Variants in STAU2 observed in about 807,000 individuals in gnomAD.
The protein encoded by STAU2 is double-stranded RNA-binding protein Staufen homolog 2.
Under a neutral mutation model 65.9 loss-of-function variants are expected in STAU2, and 20 were observed. The ratio of observed to expected loss-of-function variants is 0.30; its 90% CI spans 0.21 to 0.44. The LOEUF (loss-of-function observed/expected upper bound fraction) is 0.44. Among genes scored for constraint, STAU2 ranks in the 20% least tolerant of loss-of-function variants. STAU2 has a pLI of 1.00. For missense variants in STAU2, 558 were observed against 683.9 expected, an observed-to-expected ratio of 0.82 and a Z score of 2.05; for synonymous variants, 232 against 233.9, an observed-to-expected ratio of 0.99 and a Z score of 0.07.
chr8:73,599,028 A>C (rs1330472490), intron 10 of STAU2, among the ~76,000 whole-genome samples: 1 of 152,244 alleles, frequency 6.6e-6, no homozygotes, highest in African/African-American at 2.4e-5. Context: ...TGAAGACAAT[A>C]CTAATGTAAT....
intron 13 of STAU2, among the ~76,000 whole-genome samples, chr8:73,426,926 ATTT>A (rs34400355): frequency 1.6e-4 from 21 of 129,908 alleles, no homozygotes; most frequent in Admixed American, 7.1e-4. Context: ...ATTTTTAAAG[ATTT>A]TTTTTTTTTT....
In STAU2 at chr8:73,469,645, T is replaced by C. The variant is rs74317766; in HGVS notation, c.1531-46943A>G. On this transcript the variant is annotated intron_variant, in intron 13 of 14. Coordinates refer to ENST00000524300, the MANE Select transcript of STAU2 (RefSeq NM_001164380.2). Reference sequence around the variant, plus strand: ...TGGGGGTTAATGCTGCTGCGTGGATTCTATCCACGGTCAGTTCGAGAAAGG... The same window carrying C: ...TGGGGGTTAATGCTGCTGCGTGGATCCTATCCACGGTCAGTTCGAGAAAGG... 8.8e-3 allele frequency among the ~76,000 whole-genome samples: 1,339 copies of C among 152,066 alleles called. 10 individuals carry two copies. The highest frequency in any genetic ancestry group is 0.013 in the Non-Finnish European group (890 of 67,990).
chr8:73,550,115 C>T, intron 13 of STAU2: 1 of 985,396 alleles, frequency 1.0e-6, no homozygotes, highest in Non-Finnish European at 1.2e-6. Context: ...GAGTATTTTA[C>T]ATCAATACCA....
At chr8:73,446,170 G>A (rs1818455125) in intron 13 of STAU2, among the ~76,000 whole-genome samples, 1 of 152,218 alleles carries the variant, frequency 6.6e-6, no homozygotes, top group Admixed American at 6.5e-5. Flanking sequence ...GAAGCTGAGT[G>A]AACAAAAGTC....
At chr8:73,533,389 G>A (rs1350010442) in intron 13 of STAU2, among the ~76,000 whole-genome samples, 2 of 152,084 alleles carry the variant, frequency 1.3e-5, no homozygotes, top group Admixed American at 1.3e-4. Context: ...TTTAAGATAA[G>A]TTTCCTAGTT....
At chr8:73,462,940 GT>G (rs1187074960) in intron 13 of STAU2, among the ~76,000 whole-genome samples, 1 of 152,186 alleles carries the variant, frequency 6.6e-6, no homozygotes, top group Non-Finnish European at 1.5e-5. Context: ...CTCTGAACAT[GT>G]TTTTGCAGAA....
intron 6 of STAU2, among the ~76,000 whole-genome samples, chr8:73,617,924 A>C (rs552967057): frequency 6.6e-6 from 1 of 152,346 alleles, no homozygotes; most frequent in Non-Finnish European, 1.5e-5. Flanking sequence ...ATTCAGCATA[A>C]GAATAAGGAG....
chr8:73,614,691 T>C (rs896746104), intron 8 of STAU2, among the ~76,000 whole-genome samples: 7 of 152,174 alleles, frequency 4.6e-5, no homozygotes, highest in African/African-American at 1.7e-4. Context: ...CATAATATAT[T>C]GATGTTCCCA....
intron 13 of STAU2, among the ~76,000 whole-genome samples, chr8:73,443,600 T>C (rs1818317097): frequency 6.6e-6 from 1 of 152,182 alleles, no homozygotes; most frequent in Admixed American, 6.5e-5. Flanking sequence ...CACTGTAATC[T>C]CAATGTTTTG....
chr8:73,601,710 C>T (rs1203951782), intron 10 of STAU2, among the ~76,000 whole-genome samples: 1 of 152,136 alleles, frequency 6.6e-6, no homozygotes, highest in Non-Finnish European at 1.5e-5. Context: ...CAAATGTCCC[C>T]ATTTGACTAG....
chr8:73,697,582 G>C (rs1438226651), intron 4 of STAU2: 1 of 152,130 alleles, frequency 6.6e-6, no homozygotes, highest in Non-Finnish European at 1.5e-5. Flanking sequence ...GAAGTAGAAA[G>C]ACTAAATAAT....
intron 13 of STAU2, among the ~76,000 whole-genome samples, chr8:73,468,202 G>T (rs1350032552): frequency 6.6e-6 from 1 of 152,148 alleles, no homozygotes. Flanking sequence ...ACAAGAAATG[G>T]GGAAAGGATT....
intron 13 of STAU2, among the ~76,000 whole-genome samples, chr8:73,484,853 T>C (rs1820827875): frequency 6.6e-6 from 1 of 152,100 alleles, no homozygotes; most frequent in African/African-American, 2.4e-5. Context: ...TACAAAGGTT[T>C]CTCTAATAAA....
intron 13 of STAU2, among the ~76,000 whole-genome samples, chr8:73,425,344 A>T (rs1212211555): frequency 6.6e-6 from 1 of 152,178 alleles, no homozygotes; most frequent in Non-Finnish European, 1.5e-5. Flanking sequence ...CCACGTGAAG[A>T]TGGTGGTAGG....
intron 13 of STAU2, among the ~76,000 whole-genome samples, chr8:73,456,742 A>C (rs975304131): frequency 2.6e-5 from 4 of 152,128 alleles, no homozygotes; most frequent in Non-Finnish European, 5.9e-5. Flanking sequence ...AGCCACTGAT[A>C]TTTTCTCTAT....
chr8:73,563,918 AC>A (rs1808410865), intron 12 of STAU2, among the ~76,000 whole-genome samples: 1 of 152,216 alleles, frequency 6.6e-6, no homozygotes, highest in African/African-American at 2.4e-5. Context: ...TGATATACAG[AC>A]CAAAATACCT....
intron 13 of STAU2, among the ~76,000 whole-genome samples, chr8:73,543,983 G>T (rs1353733338): frequency 2.0e-5 from 3 of 152,104 alleles, no homozygotes; most frequent in African/African-American, 7.2e-5. Context: ...CGAATTCCAC[G>T]TTTAAAATGG....
intron 4 of STAU2, among the ~76,000 whole-genome samples, chr8:73,689,036 G>T (rs766066950): frequency 1.1e-4 from 16 of 152,142 alleles, no homozygotes; most frequent in Non-Finnish European, 2.4e-4. Context: ...GCAGATCTAG[G>T]TGTACATTCT....
At chr8:73,574,688 A>G (rs2128957753) in intron 12 of STAU2, among the ~76,000 whole-genome samples, 1 of 152,320 alleles carries the variant, frequency 6.6e-6, no homozygotes, top group South Asian at 2.1e-4. Context: ...GTTCTCACTC[A>G]TAGGTGGGAA....
Sources: gnomAD v4.1 joint callset for allele counts (sites outside exome capture counted in the v4.1 genomes callset) on GRCh38, gnomAD v4.1.1 for gene constraint, MANE v1.5 for transcripts, NCBI Gene and HGNC (gene_info 2026-07-23, HGNC 2026-07-21) for gene names.